SGCZ: variants seen among roughly 807,000 people sequenced by gnomAD.
The protein encoded by SGCZ is sarcoglycan zeta.
A neutral mutation model predicts 41.3 loss-of-function variants in SGCZ; 40 were observed. The ratio of observed to expected loss-of-function variants is 0.97; its 90% confidence interval spans 0.75 to 1.26. SGCZ has a LOEUF of 1.26. Ranked by LOEUF, SGCZ falls within the 50% of genes most tolerant of loss-of-function variation. The pLI is 0.00. For synonymous variants in SGCZ, 206 were observed against 137.5 expected (o/e 1.50, Z -3.49); for missense variants, 552 against 369.8 (o/e 1.49, Z -4.04).
At chr8:14,582,687 T>G (rs960309597) in intron 1 of SGCZ, among the ~76,000 whole-genome samples, 1 of 119,552 alleles carries the variant, frequency 8.4e-6, no homozygotes, top group Admixed American at 1.2e-4. Flanking sequence ...GTCCCCAGAG[T>G]GTGATGTTCC....
chr8:14,411,143 T>C (rs28483126), intron 2 of SGCZ, among the ~76,000 whole-genome samples: 36,611 of 152,006 alleles, frequency 0.24, 4,594 homozygotes, highest in Non-Finnish European at 0.29. Flanking sequence ...TCTGCTATTA[T>C]TGAGATTAAG....
At chr8:14,116,719 G>A (rs577115044) in intron 5 of SGCZ, among the ~76,000 whole-genome samples, 29 of 152,064 alleles carry the variant, frequency 1.9e-4, no homozygotes, top group South Asian at 1.2e-3. Context: ...CATGTATACC[G>A]ATAGGTAAAT....
chr8:14,446,585 T>C (rs547776641), intron 2 of SGCZ, among the ~76,000 whole-genome samples: 1 of 152,348 alleles, frequency 6.6e-6, no homozygotes, highest in African/African-American at 2.4e-5. Flanking sequence ...CATTTTACTG[T>C]GCTACAAAAT....
intron 1 of SGCZ, among the ~76,000 whole-genome samples, chr8:15,014,265 A>G (rs1339204635): frequency 6.6e-6 from 1 of 152,176 alleles, no homozygotes; most frequent in Non-Finnish European, 1.5e-5. Flanking sequence ...TAAACAAGCC[A>G]GTTCCATGGA....
intron 3 of SGCZ, among the ~76,000 whole-genome samples, chr8:14,292,033 C>A (rs867954077): frequency 6.6e-6 from 1 of 152,062 alleles, no homozygotes; most frequent in East Asian, 1.9e-4. Flanking sequence ...TTTTACTGGG[C>A]AATGTAATAG....
intron 1 of SGCZ, among the ~76,000 whole-genome samples, chr8:15,219,003 A>G (rs1367890716): frequency 1.3e-5 from 2 of 152,212 alleles, no homozygotes; most frequent in South Asian, 2.1e-4. Flanking sequence ...TCGTTAGATT[A>G]CATTCGTTTT....
At chr8:14,699,535 A>G (rs1179796492) in intron 1 of SGCZ, among the ~76,000 whole-genome samples, 5 of 151,934 alleles carry the variant, frequency 3.3e-5, no homozygotes, top group Admixed American at 6.6e-5. Context: ...TCTAGAAAAT[A>G]CCATTCTGGA....
At chr8:14,521,840 C>A (rs1802799966) in intron 2 of SGCZ, among the ~76,000 whole-genome samples, 1 of 152,060 alleles carries the variant, frequency 6.6e-6, no homozygotes, top group Non-Finnish European at 1.5e-5. Flanking sequence ...TGTCCCTGAT[C>A]TTAGGAGGAA....
chr8:14,297,102 T>G (rs1801037988), intron 3 of SGCZ, among the ~76,000 whole-genome samples: 1 of 152,034 alleles, frequency 6.6e-6, no homozygotes, highest in Non-Finnish European at 1.5e-5. Flanking sequence ...TTTGTATTTT[T>G]GGTAGAAACG....
rs535230293 is a variant in SGCZ at position 14,377,994 on chromosome 8, G to C, written c.235-53790C>G. Reference sequence around the variant, plus strand: ...GAATAGTGCCGCAATAAACATACGTGTGCATGTGTCTTTATAGCAGCATGA... The same window carrying C: ...GAATAGTGCCGCAATAAACATACGTCTGCATGTGTCTTTATAGCAGCATGA... On this transcript the variant is annotated intron_variant, in intron 2 of 7. Coordinates refer to ENST00000382080, the MANE Select transcript of SGCZ (RefSeq NM_139167.4). 1.0e-3 allele frequency among the ~76,000 whole-genome samples: 154 copies of C among 149,826 alleles called. 2 individuals are homozygous for C. Among genetic ancestry groups the C allele is most frequent in the African/African-American group, 3.7e-3 (148 of 39,860 alleles).
intron 4 of SGCZ, among the ~76,000 whole-genome samples, chr8:14,184,745 C>T (rs946107880): frequency 5.3e-5 from 8 of 152,136 alleles, no homozygotes; most frequent in Non-Finnish European, 8.8e-5. Context: ...AGAGAAGTAC[C>T]TTAAACTATG....
At chr8:14,771,513 T>C (rs1382339359) in intron 1 of SGCZ, among the ~76,000 whole-genome samples, 2 of 152,148 alleles carry the variant, frequency 1.3e-5, no homozygotes, top group Non-Finnish European at 2.9e-5. Flanking sequence ...CCATATCACA[T>C]TGACTATGTC....
rs181481146 is a variant in SGCZ, at chr8:14,390,584, A to G, written c.235-66380T>C. 8.5e-5 allele frequency among the ~76,000 whole-genome samples: 13 copies of G among 152,092 alleles called. No individual in the cohort carries two copies. In the East Asian group the frequency reaches 2.3e-3, roughly 27 times the overall value. On this transcript the variant is annotated intron_variant, in intron 2 of 7. Coordinates refer to ENST00000382080, the MANE Select transcript of SGCZ (RefSeq NM_139167.4). ...CTGATTTAAAATTTTTTTAAAAACA[A>G]TAGATCATGGTAAGCATTGAAACAG...
intron 1 of SGCZ, among the ~76,000 whole-genome samples, chr8:15,227,960 C>A (rs1801829799): frequency 6.6e-6 from 1 of 152,152 alleles, no homozygotes; most frequent in Admixed American, 6.5e-5. Flanking sequence ...AGCATGTTAT[C>A]ATAAAATGCT....
chr8:14,781,898 G>C (rs754458538), intron 1 of SGCZ, among the ~76,000 whole-genome samples: 2 of 152,118 alleles, frequency 1.3e-5, no homozygotes, highest in Non-Finnish European at 2.9e-5. Flanking sequence ...TCTACTGAAA[G>C]TGAAAAACAG....
chr8:14,362,511 A>G (rs537990314), intron 2 of SGCZ, among the ~76,000 whole-genome samples: 20 of 152,194 alleles, frequency 1.3e-4, no homozygotes, highest in Non-Finnish European at 1.9e-4. Flanking sequence ...CAGGCACAAG[A>G]GGGAATCTCC....
At chr8:15,168,989 T>C (rs1307452341) in intron 1 of SGCZ, among the ~76,000 whole-genome samples, 10 of 152,218 alleles carry the variant, frequency 6.6e-5, no homozygotes, top group Non-Finnish European at 1.5e-4. Flanking sequence ...TGGGAATTTA[T>C]GAGCTGTCTT....
chr8:14,353,970 T>C (rs1803197462), intron 2 of SGCZ, among the ~76,000 whole-genome samples: 1 of 152,092 alleles, frequency 6.6e-6, no homozygotes, highest in South Asian at 2.1e-4. Context: ...TTCCTGAATC[T>C]AGTTCTCATA....
At chr8:14,480,894 C>A (rs1416356558) in intron 2 of SGCZ, among the ~76,000 whole-genome samples, 2 of 151,876 alleles carry the variant, frequency 1.3e-5, no homozygotes, top group Non-Finnish European at 2.9e-5. Flanking sequence ...TACTCCTGAA[C>A]TTAAAAGTTT....
Sources: allele counts gnomAD v4.1 joint callset (sites outside exome capture counted in the v4.1 genomes callset), GRCh38; gene constraint gnomAD v4.1.1; transcripts MANE v1.5; gene names NCBI Gene and HGNC (gene_info 2026-07-23, HGNC 2026-07-21).